The following NRXN1 variants were observed in gnomAD, a reference collection of about 807,000 sequenced individuals.
NRXN1 encodes the protein neurexin-1.
Under a neutral mutation model 150.9 loss-of-function variants are expected in NRXN1, and 39 were observed. The observed-to-expected ratio is 0.26, with a 90% CI of 0.20 to 0.34. NRXN1 has a LOEUF of 0.34. Ranked by LOEUF, NRXN1 falls within the 10% of genes least tolerant of loss-of-function variation. NRXN1 has a pLI of 1.00. For synonymous variants in NRXN1, 924 were observed against 757.0 expected (o/e 1.22, Z -3.62); for missense variants, 1,815 against 1,949.9 (o/e 0.93, Z 1.30).
At chr2:49,948,703 C>A (rs1277988769) in intron 21 of NRXN1, among the ~76,000 whole-genome samples, 1 of 151,992 alleles carries the variant, frequency 6.6e-6, no homozygotes, top group Non-Finnish European at 1.5e-5. Context: ...GTGTTTGGAG[C>A]TGCTGCTATG....
chr2:50,366,310 T>TA (rs1457726972), intron 17 of NRXN1, among the ~76,000 whole-genome samples: 4 of 152,092 alleles, frequency 2.6e-5, no homozygotes, highest in African/African-American at 9.6e-5. Flanking sequence ...TCCTATGAAT[T>TA]ACTAGGTAGT....
chr2:50,057,378 A>T (rs1693818970), intron 19 of NRXN1, among the ~76,000 whole-genome samples: 1 of 152,048 alleles, frequency 6.6e-6, no homozygotes, highest in African/African-American at 2.4e-5. Flanking sequence ...TTAGCTAACC[A>T]TTACTAATTA....
intron 17 of NRXN1, among the ~76,000 whole-genome samples, chr2:50,243,403 T>C (rs1559158036): frequency 6.6e-6 from 1 of 151,790 alleles, no homozygotes. Context: ...CTAAAGCATT[T>C]TTTAATTATT....
At position 50,266,678 on chromosome 2, in the gene NRXN1, C is replaced by A. The variant is rs191268845; in HGVS notation, c.3365-29708G>T. 5.0e-3 allele frequency among the ~76,000 whole-genome samples: 752 copies of A among 151,856 alleles called. 10 individuals carry two copies. The highest frequency in any genetic ancestry group is 6.9e-3 in the Middle Eastern group (2 of 290). ...GCAAGTTAGTTGTCAATAACACTGGCCAAGGCAAACTCTGACCCTGTCTAC... is the reference window on the plus strand; with the variant it reads ...GCAAGTTAGTTGTCAATAACACTGGACAAGGCAAACTCTGACCCTGTCTAC... On this transcript the variant is annotated intron_variant, in intron 17 of 22. Coordinates refer to ENST00000401669, the MANE Select transcript of NRXN1 (RefSeq NM_001330078.2).
chr2:50,083,759 C>T (rs1035278846), intron 19 of NRXN1, among the ~76,000 whole-genome samples: 1 of 152,126 alleles, frequency 6.6e-6, no homozygotes, highest in Non-Finnish European at 1.5e-5. Context: ...CGTTTACAAT[C>T]CCTGAGCTAG....
intron 5 of NRXN1, among the ~76,000 whole-genome samples, chr2:50,897,091 A>C (rs1052978458): frequency 7.2e-5 from 11 of 152,152 alleles, no homozygotes; most frequent in African/African-American, 2.7e-4. Context: ...ATTCTAAGTA[A>C]CTGTTGAAAT....
intron 5 of NRXN1, chr2:50,631,441 T>G (rs1682301172): frequency 1.1e-5 from 2 of 179,246 alleles, no homozygotes; most frequent in Non-Finnish European, 2.3e-5. Context: ...ATGAACAGTG[T>G]CAGGGCCCAA....
intron 2 of NRXN1, among the ~76,000 whole-genome samples, chr2:50,991,593 A>C (rs1698548442): frequency 6.6e-6 from 1 of 152,086 alleles, no homozygotes; most frequent in Admixed American, 6.6e-5. Context: ...GTTGTCATTC[A>C]CCCATCTATC....
chr2:50,498,637 A>G (rs1241557350), intron 13 of NRXN1, among the ~76,000 whole-genome samples: 1 of 152,168 alleles, frequency 6.6e-6, no homozygotes, highest in Non-Finnish European at 1.5e-5. Context: ...TCCCATCTTT[A>G]TCTCCAGAGT....
At chr2:50,996,213 G>A (rs1258752778) in intron 2 of NRXN1, among the ~76,000 whole-genome samples, 1 of 152,066 alleles carries the variant, frequency 6.6e-6, no homozygotes, top group Admixed American at 6.6e-5. Flanking sequence ...AAGGGAGGTG[G>A]TAATTATTTT....
At chr2:50,156,124 A>C (rs983634586) in intron 18 of NRXN1, among the ~76,000 whole-genome samples, 4 of 151,804 alleles carry the variant, frequency 2.6e-5, no homozygotes, top group Non-Finnish European at 5.9e-5. Flanking sequence ...AGTTCCTACA[A>C]TAAATACATA....
chr2:50,116,406 G>A (rs1355964378), intron 18 of NRXN1, among the ~76,000 whole-genome samples: 2 of 152,182 alleles, frequency 1.3e-5, no homozygotes, highest in East Asian at 3.9e-4. Context: ...GCTTGGAGAA[G>A]AGGTGGGGAA....
At chr2:50,842,229 C>T (rs539915897) in intron 5 of NRXN1, among the ~76,000 whole-genome samples, 1 of 152,270 alleles carries the variant, frequency 6.6e-6, no homozygotes, top group Non-Finnish European at 1.5e-5. Context: ...CTTCAAATGG[C>T]TTTTCTATTA....
chr2:50,594,348 G>A (rs568705407), intron 8 of NRXN1, among the ~76,000 whole-genome samples: 1 of 152,246 alleles, frequency 6.6e-6, no homozygotes, highest in Non-Finnish European at 1.5e-5. Context: ...TCATATTTAT[G>A]TAAACTGAAA....
At chr2:50,365,959 C>T (rs981088873) in intron 17 of NRXN1, among the ~76,000 whole-genome samples, 1 of 151,832 alleles carries the variant, frequency 6.6e-6, no homozygotes, top group African/African-American at 2.4e-5. Context: ...AGGTCTGTAG[C>T]CAAGTGGAAT....
chr2:50,476,438 T>G (rs1236868901), intron 15 of NRXN1, among the ~76,000 whole-genome samples: 3 of 152,022 alleles, frequency 2.0e-5, no homozygotes, highest in African/African-American at 7.2e-5. Flanking sequence ...AGAGTCAGAT[T>G]CTTCATCTAT....
chr2:50,261,701 T>C (rs1040788976), intron 17 of NRXN1, among the ~76,000 whole-genome samples: 1 of 152,070 alleles, frequency 6.6e-6, no homozygotes, highest in Non-Finnish European at 1.5e-5. Context: ...TATAGAAATA[T>C]GTAAAAATAC....
At chr2:50,156,194 CA>C (rs958186014) in intron 18 of NRXN1, among the ~76,000 whole-genome samples, 2 of 151,550 alleles carry the variant, frequency 1.3e-5, no homozygotes, top group Non-Finnish European at 3.0e-5. Flanking sequence ...AAAAAATTAA[CA>C]GTCATATAAT....
At chr2:50,711,344 T>A (rs1460370788) in intron 5 of NRXN1, among the ~76,000 whole-genome samples, 1 of 149,772 alleles carries the variant, frequency 6.7e-6, no homozygotes, top group East Asian at 2.0e-4. Flanking sequence ...TTTTTTTTTT[T>A]TTTTTTTTGA....
Sources: gnomAD v4.1 joint callset for allele counts (sites outside exome capture counted in the v4.1 genomes callset) on GRCh38, gnomAD v4.1.1 for gene constraint, MANE v1.5 for transcripts, NCBI Gene and HGNC (gene_info 2026-07-23, HGNC 2026-07-21) for gene names.